The following PTPRD variants were observed in gnomAD, a reference collection of about 807,000 sequenced individuals.
The protein encoded by PTPRD is protein tyrosine phosphatase receptor type D, also known as receptor-type tyrosine-protein phosphatase delta.
Under a neutral mutation model 214.5 loss-of-function variants are expected in PTPRD, and 34 were observed. That is an observed-to-expected ratio of 0.16 (90% CI 0.12 to 0.21). PTPRD has a LOEUF of 0.21. PTPRD is among the 10% of genes least tolerant of loss of function. The probability of loss-of-function intolerance (pLI) is 1.00; values close to 1 mark genes in which losing one functional copy is unlikely to be tolerated. For missense variants in PTPRD, 2,545 were observed against 2,398.7 expected, an observed-to-expected ratio of 1.06 and a Z score of -1.27; for synonymous variants, 1,128 against 845.7, an observed-to-expected ratio of 1.33 and a Z score of -5.79.
chr9:8,376,223 A>C (rs989192425), intron 38 of PTPRD, 133 bp from the exon 39 acceptor site: 10 of 1,061,094 alleles, frequency 9.4e-6, no homozygotes, highest in Non-Finnish European at 1.3e-5. Context: ...TTGGGAAGAC[A>C]CACTCTTTGG....
chr9:8,930,559 C>A (rs992968737), intron 11 of PTPRD, among the ~76,000 whole-genome samples: 5 of 152,152 alleles, frequency 3.3e-5, no homozygotes, highest in Admixed American at 2.6e-4. Flanking sequence ...AATGGTTGAA[C>A]TAGTTTACAG....
chr9:8,821,177 G>T (rs963600469), intron 11 of PTPRD, among the ~76,000 whole-genome samples: 1 of 152,166 alleles, frequency 6.6e-6, no homozygotes, highest in Admixed American at 6.6e-5. Flanking sequence ...TAAGTAGTGA[G>T]AAAAAGGAAA....
At chr9:8,487,246 G>A (rs747675785) in intron 27 of PTPRD, among the ~76,000 whole-genome samples, 2 of 152,148 alleles carry the variant, frequency 1.3e-5, no homozygotes, top group South Asian at 2.1e-4. Context: ...TTCTTATGGT[G>A]AAAGGCTAGC....
chr9:10,213,112 G>A (rs933593706), intron 3 of PTPRD, among the ~76,000 whole-genome samples: 1 of 152,132 alleles, frequency 6.6e-6, no homozygotes, highest in African/African-American at 2.4e-5. Context: ...CCATAGAGAT[G>A]TAAGTTTATT....
At chr9:10,122,955 C>T (rs1280792781) in intron 3 of PTPRD, among the ~76,000 whole-genome samples, 1 of 152,196 alleles carries the variant, frequency 6.6e-6, no homozygotes. Flanking sequence ...GGCAGAGCTG[C>T]CTTTAAGCGG....
At chr9:10,024,667 A>C (rs1042088345) in intron 4 of PTPRD, among the ~76,000 whole-genome samples, 1 of 151,702 alleles carries the variant, frequency 6.6e-6, no homozygotes, top group African/African-American at 2.4e-5. Context: ...TTTAGGGTAC[A>C]TGTGCACAAC....
chr9:8,338,306 A>C (rs964674707), intron 43 of PTPRD, among the ~76,000 whole-genome samples: 2 of 152,084 alleles, frequency 1.3e-5, no homozygotes, highest in Non-Finnish European at 2.9e-5. Context: ...TCAGGGCTGA[A>C]CCTTGGACTC....
intron 11 of PTPRD, among the ~76,000 whole-genome samples, chr9:8,829,893 T>C (rs1191916787): frequency 6.6e-6 from 1 of 152,186 alleles, no homozygotes; most frequent in Non-Finnish European, 1.5e-5. Context: ...GAAGATTAAA[T>C]GCTATTACTT....
intron 11 of PTPRD, among the ~76,000 whole-genome samples, chr9:8,991,405 C>T (rs1446687982): frequency 6.6e-6 from 1 of 151,884 alleles, no homozygotes; most frequent in Non-Finnish European, 1.5e-5. Flanking sequence ...CTTTTCACCC[C>T]CTACAAGGTG....
chr9:8,610,156 CATT>C (rs112875334), intron 14 of PTPRD, among the ~76,000 whole-genome samples: 21,866 of 149,942 alleles, frequency 0.15, 3,999 homozygotes, highest in African/African-American at 0.43. Flanking sequence ...TTATCATCAT[CATT>C]ATTATTTGTT....
intron 2 of PTPRD, among the ~76,000 whole-genome samples, chr9:10,604,048 G>A (rs2133475853): frequency 6.6e-6 from 1 of 151,808 alleles, no homozygotes; most frequent in East Asian, 1.9e-4. Flanking sequence ...TGTCACCATA[G>A]CTCCCTATGA....
At chr9:8,901,702 G>C (rs1242856670) in intron 11 of PTPRD, among the ~76,000 whole-genome samples, 1 of 152,120 alleles carries the variant, frequency 6.6e-6, no homozygotes, top group African/African-American at 2.4e-5. Context: ...TCCTAAATCA[G>C]AAAATAAATT....
chr9:8,685,991 G>A (rs1205082551), intron 12 of PTPRD, among the ~76,000 whole-genome samples: 1 of 152,152 alleles, frequency 6.6e-6, no homozygotes, highest in Non-Finnish European at 1.5e-5. Flanking sequence ...TGTCCAGTCT[G>A]GCTCTTGGGG....
At chr9:10,526,608 C>T (rs2054364280) in intron 2 of PTPRD, among the ~76,000 whole-genome samples, 1 of 152,044 alleles carries the variant, frequency 6.6e-6, no homozygotes. Flanking sequence ...CTCTGATATT[C>T]CTAATAAGTT....
chr9:9,775,580 T>C (rs572423316), intron 5 of PTPRD, among the ~76,000 whole-genome samples: 4 of 152,328 alleles, frequency 2.6e-5, no homozygotes, highest in South Asian at 2.1e-4. Flanking sequence ...GAATTCCTAA[T>C]TGATCTCCCC....
intron 45 of PTPRD, among the ~76,000 whole-genome samples, chr9:8,319,197 G>A (rs1044881553): frequency 2.3e-4 from 35 of 152,000 alleles, no homozygotes; most frequent in Non-Finnish European, 2.6e-4. Flanking sequence ...TGTATAATTT[G>A]GTGGCCTTTT....
intron 2 of PTPRD, among the ~76,000 whole-genome samples, chr9:10,482,178 C>A (rs1953591): frequency 6.6e-6 from 1 of 151,634 alleles, no homozygotes; most frequent in South Asian, 2.1e-4. Context: ...GAGACCAGCC[C>A]GGCTAACACA....
intron 3 of PTPRD, among the ~76,000 whole-genome samples, chr9:10,121,724 T>C (rs1284575455): frequency 6.6e-6 from 1 of 152,190 alleles, no homozygotes; most frequent in Non-Finnish European, 1.5e-5. Context: ...TGATAAGCAA[T>C]AACTCTGTAA....
At chr9:8,603,481 T>G (rs1399617590) in intron 14 of PTPRD, among the ~76,000 whole-genome samples, 1 of 152,224 alleles carries the variant, frequency 6.6e-6, no homozygotes, top group Non-Finnish European at 1.5e-5. Flanking sequence ...TCCTTAACGG[T>G]TTGCTTTCTC....
Sources: allele counts gnomAD v4.1 joint callset (sites outside exome capture counted in the v4.1 genomes callset), GRCh38; gene constraint gnomAD v4.1.1; transcripts MANE v1.5; gene names NCBI Gene and HGNC (gene_info 2026-07-23, HGNC 2026-07-21).